Variants in MCTP1 observed in about 807,000 individuals in gnomAD.
MCTP1 encodes multiple C2 and transmembrane domain containing 1.
In MCTP1, 69 loss-of-function variants were observed where a neutral mutation model predicts 120.6. The observed-to-expected ratio is 0.57, with a 90% CI of 0.47 to 0.70. The LOEUF (loss-of-function observed/expected upper bound fraction) is 0.70. MCTP1 is among the 30% of genes least tolerant of loss of function. The probability of loss-of-function intolerance (pLI) is 0.00; values close to 1 mark genes in which losing one functional copy is unlikely to be tolerated. For missense variants in MCTP1, 1,203 were observed against 1,248.8 expected (o/e 0.96, Z 0.55); for synonymous variants, 529 against 493.1 (o/e 1.07, Z -0.96).
intron 11 of MCTP1, among the ~76,000 whole-genome samples, chr5:94,891,775 TAA>T (rs1561813029): frequency 3.3e-5 from 5 of 151,428 alleles, no homozygotes; most frequent in African/African-American, 1.2e-4. Context: ...AATAAATAAA[TAA>T]ATAAATAAAT....
At chr5:95,152,511 C>T (rs1417585021) in intron 1 of MCTP1, among the ~76,000 whole-genome samples, 1 of 152,026 alleles carries the variant, frequency 6.6e-6, no homozygotes, top group Non-Finnish European at 1.5e-5. Flanking sequence ...GGAAATGTTA[C>T]CAGATATGGG....
rs749256794 is a variant in MCTP1 at position 95,284,569 on chromosome 5, G to T, written c.7C>A (p.Pro3Thr). The change falls in exon 1 of 23, where the codon CCC becomes ACC. Residue 3 changes from proline (P) to threonine (T), a missense_variant. Physicochemically the swap from Pro to Thr is conservative, Grantham distance 38 (BLOSUM62 -1). This residue lies in a region of MCTP1 where 463 missense variants were observed against 377.8 expected (regional missense o/e 1.23). Transcript: ENST00000515393. This position sits in a 1 kb window ranked among gnomAD's most constrained non-coding sequence, Gnocchi z 5.2. ...GGCTCGCCCGCCGCGGCAGCCCGGG[G>T]CTCCATCCTCCACCCCCTGCTCCTC... MEPRAAAAGEPEP... is the reference protein window; with the variant it reads METRAAAAGEPEP... 4.2e-6 allele frequency: 6 copies of T among 1,434,462 alleles called. No homozygotes were observed. In the South Asian group the frequency reaches 8.9e-5, roughly 21 times the overall value. 88.9% of individuals were successfully genotyped at this position (1,434,462 alleles called of 1,614,324 possible). A position where few individuals can be genotyped will look rare whatever the true frequency, so the allele number is the denominator to read the frequency against.
intron 1 of MCTP1, among the ~76,000 whole-genome samples, chr5:95,270,063 G>A (rs1005015275): frequency 7.2e-5 from 11 of 152,126 alleles, no homozygotes; most frequent in East Asian, 1.9e-4. Context: ...GACTTTTAAC[G>A]TATAACATAT....
chr5:94,966,045 AG>A (rs1825508883), intron 2 of MCTP1, among the ~76,000 whole-genome samples: 1 of 152,210 alleles, frequency 6.6e-6, no homozygotes, highest in Non-Finnish European at 1.5e-5. Flanking sequence ...TTTTTATACC[AG>A]CACAAACAGA....
At chr5:95,185,288 C>T (rs1749083745) in intron 1 of MCTP1, among the ~76,000 whole-genome samples, 1 of 152,112 alleles carries the variant, frequency 6.6e-6, no homozygotes, top group South Asian at 2.1e-4. Context: ...TGCAGAAATC[C>T]TCAACAAAAC....
intron 1 of MCTP1, among the ~76,000 whole-genome samples, chr5:95,138,855 T>C (rs1759670034): frequency 6.6e-6 from 1 of 152,254 alleles, no homozygotes; most frequent in African/African-American, 2.4e-5. Context: ...TAACTAGTTG[T>C]AATGTATGTG....
intron 1 of MCTP1, among the ~76,000 whole-genome samples, chr5:95,202,042 T>C (rs537875532): frequency 6.6e-6 from 1 of 152,260 alleles, no homozygotes; most frequent in East Asian, 1.9e-4. Flanking sequence ...GAAGCATTGT[T>C]TCTAGGTTTG....
At position 95,153,784 on chromosome 5, in the gene MCTP1, T is replaced by G. The variant is rs73777316; in HGVS notation, c.720+130072A>C. ...GCTTTCCCATTAAGAGGAAATGGAG[T>G]GTTCCTTTGCCAAGAATGTCTGCAG... On this transcript the variant is annotated intron_variant, in intron 1 of 22. Coordinates refer to ENST00000515393, the MANE Select transcript of MCTP1 (RefSeq NM_024717.7). 7.9e-3 allele frequency among the ~76,000 whole-genome samples: 1,195 copies of G among 152,166 alleles called. 14 individuals are homozygous for G. The highest frequency in any genetic ancestry group is 0.027 in the African/African-American group (1,140 of 41,526).
At chr5:94,942,993 G>C (rs1581478089) in intron 3 of MCTP1, among the ~76,000 whole-genome samples, 1 of 151,998 alleles carries the variant, frequency 6.6e-6, no homozygotes, top group African/African-American at 2.4e-5. Context: ...GAAAAGAAAA[G>C]AAAGAGATAA....
intron 18 of MCTP1, among the ~76,000 whole-genome samples, chr5:94,780,036 C>T (rs1480776582): frequency 6.6e-6 from 1 of 152,084 alleles, no homozygotes; most frequent in Non-Finnish European, 1.5e-5. Flanking sequence ...CATATGCATG[C>T]CACAGAAACC....
Position 94,956,714 on chromosome 5 carries a change from C to CAA in MCTP1, c.839-3355_839-3354dup, listed in dbSNP as rs34659025. On this transcript the variant is annotated intron_variant, in intron 2 of 22. Coordinates refer to ENST00000515393, the MANE Select transcript of MCTP1 (RefSeq NM_024717.7). ...GAAATAAAGTGTAAAGACAAGATTA[C>CAA]AAAAAAAAAGAATGAAAAGGAATGA... Among the ~76,000 whole-genome samples the CAA allele has an allele frequency of 7.3e-3, 1,100 of 150,482 alleles. 13 individuals are homozygous for CAA. The highest frequency in any genetic ancestry group is 0.025 in the African/African-American group (1,011 of 41,032).
chr5:94,973,135 G>A (rs1196335760), intron 2 of MCTP1, among the ~76,000 whole-genome samples: 2 of 152,264 alleles, frequency 1.3e-5, no homozygotes, highest in South Asian at 4.1e-4. Context: ...TTACAGATGA[G>A]TAAACTGGTT....
chr5:95,042,626 G>A (rs946700946), intron 1 of MCTP1, among the ~76,000 whole-genome samples: 5 of 152,204 alleles, frequency 3.3e-5, no homozygotes, highest in African/African-American at 1.2e-4. Flanking sequence ...AAAGTGAAAA[G>A]TAAGATTTTC....
intron 1 of MCTP1, among the ~76,000 whole-genome samples, chr5:95,172,976 C>T (rs373366831): frequency 1.3e-5 from 2 of 152,012 alleles, no homozygotes; most frequent in African/African-American, 2.4e-5. Context: ...AGATTATAGA[C>T]CATATTAATT....
At chr5:94,841,462 G>T (rs1259223192) in intron 17 of MCTP1, among the ~76,000 whole-genome samples, 1 of 152,082 alleles carries the variant, frequency 6.6e-6, no homozygotes, top group Non-Finnish European at 1.5e-5. Context: ...CCCAAACACT[G>T]TGGAATTATA....
intron 1 of MCTP1, among the ~76,000 whole-genome samples, chr5:95,042,084 T>C (rs146097266): frequency 7.2e-5 from 11 of 152,326 alleles, no homozygotes; most frequent in African/African-American, 2.4e-4. Context: ...ACTGAAATGT[T>C]AGACCAGCTG....
intron 8 of MCTP1, among the ~76,000 whole-genome samples, chr5:94,916,023 A>T (rs1311186300): frequency 1.3e-5 from 2 of 152,192 alleles, no homozygotes; most frequent in South Asian, 2.1e-4. Flanking sequence ...GAAGAAATTT[A>T]AAAAGTTTCA....
chr5:95,114,973 A>T (rs551974529), intron 1 of MCTP1, among the ~76,000 whole-genome samples: 1 of 152,294 alleles, frequency 6.6e-6, no homozygotes, highest in African/African-American at 2.4e-5. Flanking sequence ...GGAGAACAAG[A>T]GTCTTTGCTT....
chr5:95,175,014 G>A (rs1204840064), intron 1 of MCTP1, among the ~76,000 whole-genome samples: 1 of 151,904 alleles, frequency 6.6e-6, no homozygotes, highest in Non-Finnish European at 1.5e-5. Context: ...GGTATGTGAT[G>A]AGAGAATGAC....
Sources: gnomAD v4.1 joint callset for allele counts (sites outside exome capture counted in the v4.1 genomes callset) on GRCh38, gnomAD v4.1.1 for gene constraint, gnomAD v4.1.1 regional missense constraint, Gnocchi (gnomAD v3.1) non-coding constraint, MANE v1.5 for transcripts, NCBI Gene and HGNC (gene_info 2026-07-23, HGNC 2026-07-21) for gene names.